GPR158: variants seen among roughly 807,000 people sequenced by gnomAD.
The protein encoded by GPR158 is metabotropic glycine receptor.
In GPR158, 30 loss-of-function variants were observed where a neutral mutation model predicts 78.2. The observed-to-expected ratio is 0.38, with a 90% CI of 0.29 to 0.52. GPR158 has a LOEUF of 0.52. Ranked by LOEUF, GPR158 falls within the 20% of genes least tolerant of loss-of-function variation. The probability of loss-of-function intolerance (pLI) is 0.83; values close to 1 mark genes in which losing one functional copy is unlikely to be tolerated. For synonymous variants in GPR158, 581 were observed against 591.1 expected, an observed-to-expected ratio of 0.98 and a Z score of 0.25; for missense variants, 1,463 against 1,523.5, an observed-to-expected ratio of 0.96 and a Z score of 0.66.
chr10:25,498,455 A>G (rs61846654), intron 5 of GPR158, among the ~76,000 whole-genome samples: 3,338 of 152,262 alleles, frequency 0.022, 59 homozygotes, highest in Non-Finnish European at 0.034. Flanking sequence ...TTTGAGTCCT[A>G]CATCAAGGGA....
At chr10:25,314,391 A>G (rs68117011) in intron 2 of GPR158, among the ~76,000 whole-genome samples, 30,711 of 151,862 alleles carry the variant, frequency 0.2, 5,234 homozygotes, top group African/African-American at 0.47. Context: ...GAGCCACCAC[A>G]CCCGGTTGGT....
intron 5 of GPR158, among the ~76,000 whole-genome samples, chr10:25,519,576 C>T (rs1486395243): frequency 7.0e-6 from 1 of 142,722 alleles, no homozygotes; most frequent in African/African-American, 3.0e-5. Flanking sequence ...CTGGTGGTGA[C>T]AAAATCTCTC....
In GPR158 at chr10:25,362,161, C is replaced by T. The variant is rs370777543; in HGVS notation, c.1009-33750C>T. Among the ~76,000 whole-genome samples the T allele has an allele frequency of 7.9e-5, 12 of 151,996 alleles. No homozygotes were observed. In the South Asian group the frequency reaches 2.3e-3, roughly 29 times the overall value. Reference sequence around the variant, plus strand: ...TATATGGCATAAGGATCCAGCTTCACTATTTTGCATTTGGATATCCAGATT... The same window carrying T: ...TATATGGCATAAGGATCCAGCTTCATTATTTTGCATTTGGATATCCAGATT... On this transcript the variant is annotated intron_variant, in intron 2 of 10. Coordinates refer to ENST00000376351, the MANE Select transcript of GPR158 (RefSeq NM_020752.3).
intron 1 of GPR158, among the ~76,000 whole-genome samples, chr10:25,177,338 G>T (rs1852552190): frequency 6.6e-6 from 1 of 152,182 alleles, no homozygotes; most frequent in East Asian, 1.9e-4. Context: ...GAGGGCTTAG[G>T]AGAGGGCCCA....
chr10:25,332,208 G>A (rs1410913787), intron 2 of GPR158, among the ~76,000 whole-genome samples: 1 of 152,146 alleles, frequency 6.6e-6, no homozygotes. Flanking sequence ...ATTCTGATGT[G>A]CTGACAAGCT....
chr10:25,351,131 C>T (rs1273136685), intron 2 of GPR158, among the ~76,000 whole-genome samples: 2 of 151,864 alleles, frequency 1.3e-5, no homozygotes, highest in Non-Finnish European at 2.9e-5. Flanking sequence ...GGCAGGCACC[C>T]CCTTCTCTAT....
At chr10:25,259,578 T>C (rs114198739) in intron 2 of GPR158, among the ~76,000 whole-genome samples, 119 of 152,286 alleles carry the variant, frequency 7.8e-4, no homozygotes, top group African/African-American at 2.9e-3. Flanking sequence ...TGTCTTGGCC[T>C]TTGTTGATCA....
intron 2 of GPR158, among the ~76,000 whole-genome samples, chr10:25,351,908 A>G (rs1855478522): frequency 6.6e-6 from 1 of 151,072 alleles, no homozygotes; most frequent in South Asian, 2.1e-4. Context: ...TCCCACTCCA[A>G]CCCTCAGACA....
chr10:25,404,890 A>T (rs939665327), intron 3 of GPR158, among the ~76,000 whole-genome samples: 1 of 152,074 alleles, frequency 6.6e-6, no homozygotes, highest in Non-Finnish European at 1.5e-5. Context: ...GTTGATGTGG[A>T]TCTCCAGACC....
intron 1 of GPR158, among the ~76,000 whole-genome samples, chr10:25,206,070 C>G (rs975826572): frequency 6.6e-6 from 1 of 150,818 alleles, no homozygotes; most frequent in Admixed American, 6.6e-5. Flanking sequence ...ACTGCAAACT[C>G]TGCCTCCCAG....
chr10:25,273,684 T>C (rs1259393847), intron 2 of GPR158, among the ~76,000 whole-genome samples: 1 of 152,090 alleles, frequency 6.6e-6, no homozygotes, highest in Non-Finnish European at 1.5e-5. Context: ...TTTTTTTCTT[T>C]GTTTTATTTT....
intron 5 of GPR158, among the ~76,000 whole-genome samples, chr10:25,537,110 A>G (rs941925172): frequency 5.9e-5 from 9 of 152,220 alleles, no homozygotes; most frequent in Admixed American, 2.0e-4. Context: ...AAAGTAGACA[A>G]TGCATTCAAG....
intron 4 of GPR158, 92 bp from the exon 5 acceptor site, chr10:25,466,559 G>C (rs967614243): frequency 1.3e-6 from 1 of 745,934 alleles, no homozygotes; most frequent in Non-Finnish European, 2.3e-6. Context: ...AAAGAATGCT[G>C]TCCTACTGCA....
chr10:25,465,196 A>T (rs1322655896), intron 4 of GPR158, among the ~76,000 whole-genome samples: 1 of 152,060 alleles, frequency 6.6e-6, no homozygotes, highest in Non-Finnish European at 1.5e-5. Flanking sequence ...GAATTTTTTT[A>T]TTGTTACAAA....
chr10:25,449,764 A>G (rs577338796), intron 4 of GPR158, among the ~76,000 whole-genome samples: 2 of 152,324 alleles, frequency 1.3e-5, no homozygotes, highest in Admixed American at 6.5e-5. Flanking sequence ...ATGTGAGGTA[A>G]TGGATATGCT....
At chr10:25,449,079 G>T (rs893096131) in intron 4 of GPR158, among the ~76,000 whole-genome samples, 1 of 152,260 alleles carries the variant, frequency 6.6e-6, no homozygotes. Context: ...TATTACACCA[G>T]ATTGTATGAT....
At chr10:25,585,450 T>C (rs1027975047) in intron 7 of GPR158, among the ~76,000 whole-genome samples, 1 of 152,234 alleles carries the variant, frequency 6.6e-6, no homozygotes, top group East Asian at 1.9e-4. Flanking sequence ...AATTTTCTTC[T>C]AATTATATGT....
intron 7 of GPR158, among the ~76,000 whole-genome samples, chr10:25,578,310 T>C (rs1837133702): frequency 6.6e-6 from 1 of 152,202 alleles, no homozygotes; most frequent in African/African-American, 2.4e-5. Flanking sequence ...AGGTGTAGGA[T>C]CTTGAAAAAT....
chr10:25,280,487 A>T (rs1854252034), intron 2 of GPR158, among the ~76,000 whole-genome samples: 1 of 152,196 alleles, frequency 6.6e-6, no homozygotes, highest in African/African-American at 2.4e-5. Context: ...AATTGATAGA[A>T]TTTCTTGGAG....
Sources: allele counts gnomAD v4.1 joint callset (sites outside exome capture counted in the v4.1 genomes callset), GRCh38; gene constraint gnomAD v4.1.1; transcripts MANE v1.5; gene names NCBI Gene and HGNC (gene_info 2026-07-23, HGNC 2026-07-21).